Variants in MAN2A2 observed in about 807,000 individuals in gnomAD.
MAN2A2 encodes alpha-mannosidase 2x.
A neutral mutation model predicts 126.8 loss-of-function variants in MAN2A2; 79 were observed. The observed-to-expected ratio is 0.62, with a 90% CI of 0.52 to 0.75. The LOEUF (loss-of-function observed/expected upper bound fraction) is 0.75. MAN2A2 is among the 30% of genes least tolerant of loss of function. MAN2A2 has a pLI of 0.00. For missense variants in MAN2A2, 1,392 were observed against 1,522.4 expected, an observed-to-expected ratio of 0.91 and a Z score of 1.43; for synonymous variants, 671 against 618.7, an observed-to-expected ratio of 1.08 and a Z score of -1.25.
At chr15:90,907,103 G>A in intron 7 of MAN2A2, 190 bp downstream of exon 7, 1 of 862,566 alleles carries the variant, frequency 1.2e-6, no homozygotes, top group Non-Finnish European at 1.8e-6. Context: ...AGGGCCTGCT[G>A]TCCCAAGGGC....
intron 21 of MAN2A2, 96 bp downstream of exon 21, chr15:90,918,484 C>T: frequency 7.1e-7 from 1 of 1,412,854 alleles, no homozygotes; most frequent in Non-Finnish European, 9.8e-7. Flanking sequence ...AGGTCCAGAC[C>T]CCTTAGCAGG....
At chr15:90,915,996 A>T in intron 19 of MAN2A2, 127 bp from the exon 20 acceptor site, 1 of 1,065,168 alleles carries the variant, frequency 9.4e-7, no homozygotes, top group Non-Finnish European at 1.3e-6. Context: ...ACCTCTCCTG[A>T]GTGACTCAGC....
intron 2 of MAN2A2, 34 bp downstream of exon 2, chr15:90,904,373 A>G: frequency 2.5e-6 from 4 of 1,604,342 alleles, no homozygotes; most frequent in Non-Finnish European, 3.4e-6. Context: ...TTCTTTGTAT[A>G]CAAGTCACCT....
chr15:90,910,093 C>A lies in MAN2A2; in HGVS notation c.1378C>A (p.Gln460Lys). 1 of 1,610,550 alleles carries A rather than the reference C, an allele frequency of 6.2e-7. No homozygotes were observed. ...NSRPNLHVQA[Q>K]FGTLSDYFDA... ...TGGGTTTTTGGGGTTCCCACAGGCCCAGTTTGGCACTCTTTCTGACTATTT... is the reference window on the plus strand; with the variant it reads ...TGGGTTTTTGGGGTTCCCACAGGCCAAGTTTGGCACTCTTTCTGACTATTT... The change falls in exon 10 of 23, where the codon CAG becomes AAG. Residue 460 changes from glutamine to lysine, a missense_variant. By Grantham distance (53) the Gln-to-Lys change is moderately conservative. Coordinates refer to ENST00000559717, the MANE Select transcript of MAN2A2 (RefSeq NM_006122.4).
chr15:90,907,044 G>A, intron 7 of MAN2A2, 131 bp downstream of exon 7: 2 of 1,198,430 alleles, frequency 1.7e-6, no homozygotes, highest in Non-Finnish European at 2.4e-6. Flanking sequence ...TGCCAGAAAT[G>A]GTCGCACCCT....
intron 20 of MAN2A2, chr15:90,916,757 C>G: frequency 3.3e-6 from 3 of 918,442 alleles, no homozygotes; most frequent in Non-Finnish European, 4.6e-6. Context: ...ACTCGTGCAT[C>G]AGATAGATAT....
chr15:90,910,998 T>A (rs977348583), intron 12 of MAN2A2, 37 bp downstream of exon 12: 1 of 1,559,754 alleles, frequency 6.4e-7, no homozygotes, highest in African/African-American at 1.4e-5. Context: ...GACCCTCTGG[T>A]GTGTGCAGGT....
In MAN2A2 at chr15:90,907,364, C is replaced by T. The variant is rs750987199; in HGVS notation, c.1065C>T (p.Asp355=). The T allele has an allele frequency of 2.8e-5, 45 of 1,613,964 alleles. No individual in the cohort carries two copies. Among genetic ancestry groups the T allele is most frequent in the East Asian group, 4.5e-5 (2 of 44,902 alleles). ...FCHMMPFYSY[D]VPHTCGPDPK... The stretch of plus-strand genomic sequence containing the variant: ...ACATGATGCCCTTCTACAGCTATGA[C>T]GTCCCCCATACCTGTGGCCCAGATC... Residue 355 remains aspartate (D), a synonymous_variant, in exon 8 of 23, where the codon GAC becomes GAT. Transcript: ENST00000559717.
chr15:90,907,206 G>C (rs1236592660), intron 7 of MAN2A2, 103 bp from the exon 8 acceptor site: 22 of 1,185,344 alleles, frequency 1.9e-5, no homozygotes, highest in Non-Finnish European at 1.7e-5. Context: ...TCCAGTTACA[G>C]CCTCGCGGTC....
chr15:90,913,304 C>G lies in MAN2A2; in HGVS notation c.2616C>G (p.Ser872=), dbSNP rs1220481425. 2 of 1,613,984 alleles carry G rather than the reference C, an allele frequency of 1.2e-6. No homozygotes were observed. Among genetic ancestry groups the G allele is most frequent in the East Asian group, 4.5e-5 (2 of 44,900 alleles). The stretch of plus-strand genomic sequence containing the variant: ...AGGGGCTGTCTCTGGACATATCATC[C>G]CTGGTGGACATCCGGGACTACGTCA... The part of the protein sequence containing the change: ...GVEGLSLDIS[S]LVDIRDYVNK... The change falls in exon 18 of 23, where the codon TCC becomes TCG. Residue 872 remains serine, a synonymous_variant. Transcript: ENST00000559717.
chr15:90,913,440 A>G (rs769167786), intron 18 of MAN2A2, 34 bp downstream of exon 18: 3 of 1,578,306 alleles, frequency 1.9e-6, no homozygotes, highest in Non-Finnish European at 2.6e-6. Flanking sequence ...GAGACCCCAC[A>G]GAGTAGAACT....
rs923221850 is a variant in MAN2A2, at chr15:90,922,247, C to T, written c.*2460C>T. 1 of 152,160 alleles carries T rather than the reference C, an allele frequency of 6.6e-6. No homozygotes were observed. Among genetic ancestry groups the T allele is most frequent in the Non-Finnish European group, 1.5e-5 (1 of 68,038 alleles). 9.4% of individuals were successfully genotyped at this position (152,160 alleles called of 1,614,324 possible). A position where few individuals can be genotyped will look rare whatever the true frequency, so the allele number is the denominator to read the frequency against. On this transcript the variant is annotated 3_prime_UTR_variant, in exon 23 of 23. Transcript: ENST00000559717. ...TTGCTTCAGGGTCCTTAGAGAAAGT[C>T]ACTGGGGCCTGCCAAGCTGCCACCT...
rs190150513 is a variant in MAN2A2, at chr15:90,906,298, C to T, written c.708-72C>T. 1.9e-6 allele frequency: 3 copies of T among 1,587,624 alleles called. No individual in the cohort carries two copies. In the East Asian group the frequency reaches 6.8e-5, roughly 36 times the overall value. ...TCCAGTGAGGCCAGTGCACACAGGC[C>T]CTGACATTTGCTGGTTGGCAGGACT... is the stretch of plus-strand genomic sequence containing the variant. On this transcript the variant is annotated intron_variant, in intron 5 of 22. Coordinates refer to ENST00000559717, the MANE Select transcript of MAN2A2 (RefSeq NM_006122.4).
Position 90,910,205 on chromosome 15 carries a change from C to T in MAN2A2, c.1490C>T (p.Ala497Val), listed in dbSNP as rs144478704. 12 of 1,614,006 alleles carry T rather than the reference C, an allele frequency of 7.4e-6. No homozygotes were observed. Among genetic ancestry groups the T allele is most frequent in the African/African-American group, 5.3e-5 (4 of 74,906 alleles). ...CTGAGCGGGGATTTCTTCTCCTATG[C>T]GGACCGGGAGGATCATTACTGGACA... ...PVLSGDFFSY[A>V]DREDHYWTGY... The change falls in exon 10 of 23, where the codon GCG (alanine) becomes GTG (valine). Residue 497 changes from alanine (A) to valine (V), a missense_variant. Transcript: ENST00000559717.
chr15:90,918,680 CT>C lies in MAN2A2; in HGVS notation c.3227del (p.Leu1076TyrfsTer26). On this transcript the variant is annotated frameshift_variant, in exon 22 of 23. Coordinates refer to ENST00000559717, the MANE Select transcript of MAN2A2 (RefSeq NM_006122.4). LOFTEE classifies it high-confidence loss of function. ...TACCCTCGGCGGAGACCGCACTCAT[CT>C]TACACCGCAAGGGTTTTGACTGCGG... ...TLPSAETALI[L>X]HRKGFDCGLE... The C allele has an allele frequency of 6.6e-7, 1 of 1,521,666 alleles. No homozygotes were observed. Among genetic ancestry groups the C allele is most frequent in the Non-Finnish European group, 9.1e-7 (1 of 1,096,222 alleles). 94.3% of individuals were successfully genotyped at this position (1,521,666 alleles called of 1,614,324 possible).
At position 90,922,043 on chromosome 15, in the gene MAN2A2, TTAACA is replaced by T. The variant is rs2035566431; in HGVS notation, c.*2258_*2262del. 6.6e-6 allele frequency: 1 copy of T among 152,206 alleles called. No individual in the cohort carries two copies. Among genetic ancestry groups the T allele is most frequent in the South Asian group, 2.1e-4 (1 of 4,830 alleles). 9.4% of individuals were successfully genotyped at this position (152,206 alleles called of 1,614,324 possible). A position where few individuals can be genotyped will look rare whatever the true frequency, so the allele number is the denominator to read the frequency against. The stretch of plus-strand genomic sequence containing the variant: ...GGTGTGGGACGGTCTTTTCTAAACT[TTAACA>T]TGAGACTTAAAAGATATAATAAGGG... On this transcript the variant is annotated 3_prime_UTR_variant, in exon 23 of 23. Transcript: ENST00000559717.
At chr15:90,917,139 A>G (rs1210075358) in intron 20 of MAN2A2, among the ~76,000 whole-genome samples, 1 of 152,194 alleles carries the variant, frequency 6.6e-6, no homozygotes, top group African/African-American at 2.4e-5. Flanking sequence ...ATTACAACTA[A>G]ATCAAGTAAA....
At chr15:90,911,682 G>A (rs1226063690) in intron 14 of MAN2A2, 132 bp downstream of exon 14, 1 of 1,047,774 alleles carries the variant, frequency 9.5e-7, no homozygotes, top group Non-Finnish European at 1.3e-6. Flanking sequence ...GTGTCCTGGG[G>A]AGGGGGTTGT....
At position 90,904,413 on chromosome 15, in the gene MAN2A2, C is replaced by T. The variant is rs551808000; in HGVS notation, c.132+74C>T. ...TCAGGGTATGCACCTCCCACCCCGCCGCCTCCCCTCCCACCCCCCGCTGGA... is the reference window on the plus strand; with the variant it reads ...TCAGGGTATGCACCTCCCACCCCGCTGCCTCCCCTCCCACCCCCCGCTGGA... On this transcript the variant is annotated intron_variant, in intron 2 of 22. Coordinates refer to ENST00000559717, the MANE Select transcript of MAN2A2 (RefSeq NM_006122.4). The T allele has an allele frequency of 1.2e-4, 181 of 1,485,360 alleles. 1 individual carries two copies. The Admixed American group carries it at 3.2e-3, about 27-fold the overall frequency. The allele number at this position is 1,485,360 out of a possible 1,614,324, so 92.0% of individuals were successfully genotyped here.
Sources: gnomAD v4.1 joint callset for allele counts (sites outside exome capture counted in the v4.1 genomes callset) on GRCh38, gnomAD v4.1.1 for gene constraint, MANE v1.5 for transcripts, NCBI Gene and HGNC (gene_info 2026-07-23, HGNC 2026-07-21) for gene names.